Variants in TCF4 observed in about 807,000 individuals in gnomAD.
TCF4 encodes SL3-3 enhancer factor 2.
In TCF4, 3 loss-of-function variants were observed where a neutral mutation model predicts 82.1. The observed-to-expected ratio is 0.04, with a 90% CI of 0.02 to 0.09. The LOEUF is 0.09. TCF4 is among the 10% of genes least tolerant of loss of function. TCF4 has a pLI of 1.00. For synonymous variants in TCF4, 276 were observed against 309.6 expected (o/e 0.89, Z 1.14); for missense variants, 518 against 852.7 (o/e 0.61, Z 4.89).
chr18:55,588,029 G>C lies in TCF4; in HGVS notation c.-21+9C>G, dbSNP rs2097669520. The C allele has an allele frequency of 5.1e-6, 5 of 982,032 alleles. No homozygotes were observed. The highest frequency in any genetic ancestry group is 6.0e-6 in the Non-Finnish European group (5 of 828,572). 60.8% of individuals were successfully genotyped at this position (982,032 alleles called of 1,614,324 possible). On this transcript the variant is annotated intron_variant, in intron 1 of 19. Transcript: ENST00000354452. Reference sequence around the variant, plus strand: ...CGCCCCGCCGAGCCCCGCAGGCGCCGGTACCTACCGCCCGCGCGCGAGAAG... The same window carrying C: ...CGCCCCGCCGAGCCCCGCAGGCGCCCGTACCTACCGCCCGCGCGCGAGAAG...
At chr18:55,428,728 T>A (rs1178195665) in intron 5 of TCF4, among the ~76,000 whole-genome samples, 1 of 152,194 alleles carries the variant, frequency 6.6e-6, no homozygotes, top group Non-Finnish European at 1.5e-5. Context: ...CACCTCCATT[T>A]CATCACAGAG....
At chr18:55,362,500 G>A (rs1474534389) in intron 6 of TCF4, among the ~76,000 whole-genome samples, 1 of 151,374 alleles carries the variant, frequency 6.6e-6, no homozygotes, top group Non-Finnish European at 1.5e-5. Context: ...CTTCCACACT[G>A]AAACAGGGAC....
At chr18:55,501,180 CA>C (rs780382677) in intron 3 of TCF4, among the ~76,000 whole-genome samples, 1 of 151,866 alleles carries the variant, frequency 6.6e-6, no homozygotes, top group Non-Finnish European at 1.5e-5. Context: ...AACATCAGTG[CA>C]AAAAAGCCAT....
chr18:55,439,341 A>G (rs1393301063), intron 5 of TCF4, among the ~76,000 whole-genome samples: 1 of 152,212 alleles, frequency 6.6e-6, no homozygotes, highest in Non-Finnish European at 1.5e-5. Context: ...ACACTGAGCC[A>G]GCAACAAAGG....
intron 8 of TCF4, among the ~76,000 whole-genome samples, chr18:55,316,242 T>G (rs2147328168): frequency 6.6e-6 from 1 of 152,224 alleles, no homozygotes; most frequent in South Asian, 2.1e-4. Flanking sequence ...CTCCACTGTA[T>G]TTTCTTCTTA....
chr18:55,611,230 G>A (rs1447097790), intron 2 of TCF4, among the ~76,000 whole-genome samples: 1 of 152,192 alleles, frequency 6.6e-6, no homozygotes, highest in Non-Finnish European at 1.5e-5. Context: ...GCCACAAACA[G>A]CTGCAGGAGT....
intron 8 of TCF4, among the ~76,000 whole-genome samples, chr18:55,329,991 ATC>A (rs1371650513): frequency 6.6e-6 from 1 of 152,288 alleles, no homozygotes; most frequent in Non-Finnish European, 1.5e-5. Flanking sequence ...GTTCTCTAAC[ATC>A]TGTTCAAGAA....
At chr18:55,464,310 T>G (rs2095954547) in intron 3 of TCF4, among the ~76,000 whole-genome samples, 173 bp from the exon 4 acceptor site, 1 of 152,206 alleles carries the variant, frequency 6.6e-6, no homozygotes, top group Non-Finnish European at 1.5e-5. Context: ...TTAACTCATT[T>G]AAATTCACAG....
intron 8 of TCF4, among the ~76,000 whole-genome samples, chr18:55,298,867 G>GA (rs962060025): frequency 5.0e-4 from 76 of 150,548 alleles, no homozygotes; most frequent in Non-Finnish European, 3.6e-4. Flanking sequence ...TTGGAGCAAA[G>GA]AAAAAAAAAC....
At chr18:55,569,750 G>T (rs2097443932) in intron 3 of TCF4, among the ~76,000 whole-genome samples, 2 of 152,066 alleles carry the variant, frequency 1.3e-5, no homozygotes, top group South Asian at 4.2e-4. Context: ...ATAAAGAATT[G>T]TTTTGAGATA....
At chr18:55,446,604 GT>G (rs1191085823) in intron 5 of TCF4, among the ~76,000 whole-genome samples, 3 of 152,134 alleles carry the variant, frequency 2.0e-5, no homozygotes, top group Non-Finnish European at 4.4e-5. Flanking sequence ...TAATGACAAT[GT>G]CTAACAAAGA....
At chr18:55,350,268 G>T (rs761967636) in intron 8 of TCF4, 91 bp downstream of exon 8, 3 of 1,334,058 alleles carry the variant, frequency 2.2e-6, no homozygotes, top group South Asian at 2.4e-5. Context: ...TGCTCTGGGC[G>T]CATGGAAACT....
chr18:55,491,519 C>T (rs1345880796), intron 3 of TCF4, among the ~76,000 whole-genome samples: 1 of 152,216 alleles, frequency 6.6e-6, no homozygotes, highest in Non-Finnish European at 1.5e-5. Context: ...TGTTTCCTTA[C>T]CATCTTTCCT....
chr18:55,223,878 T>C lies in TCF4; in HGVS notation c.*4157A>G, dbSNP rs1390433173. On this transcript the variant is annotated 3_prime_UTR_variant, in exon 20 of 20. Coordinates refer to ENST00000354452, the MANE Select transcript of TCF4 (RefSeq NM_001083962.2). ...ACAGTTTCATCTTGGTAACACATGG[T>C]AAAATAACATCTTTTAAATAGTAAA... 6.6e-6 allele frequency: 1 copy of C among 152,348 alleles called. No homozygotes were observed. The highest frequency in any genetic ancestry group is 1.5e-5 in the Non-Finnish European group (1 of 67,996). 9.4% of individuals were successfully genotyped at this position (152,348 alleles called of 1,614,324 possible).
Position 55,586,144 on chromosome 18 carries a change from G to GC in TCF4, c.73-793_73-792insG. 2.3e-6 allele frequency: 3 copies of GC among 1,322,514 alleles called. 1 individual carries two copies. Among genetic ancestry groups the GC allele is most frequent in the Non-Finnish European group, 3.0e-6 (3 of 989,824 alleles). The allele number at this position is 1,322,514 out of a possible 1,614,324, so 81.9% of individuals were successfully genotyped here. On this transcript the variant is annotated intron_variant, in intron 2 of 19. Transcript: ENST00000354452. The stretch of plus-strand genomic sequence containing the variant: ...GGAGGAGGAGGAGGAGAAGGAGGAG[G>GC]AGGAGGAGGAGCAGCAGCAGCAGCA...
At chr18:55,464,551 T>TTTTTGTTCCATAGC (rs2095963971) in intron 3 of TCF4, among the ~76,000 whole-genome samples, 2 of 152,210 alleles carry the variant, frequency 1.3e-5, no homozygotes, top group South Asian at 4.1e-4. Context: ...GCCATAATGC[T>TTTTTGTTCCATAGC]CTTGGATCCT....
At chr18:55,258,499 G>C (rs2057370777) in intron 13 of TCF4, among the ~76,000 whole-genome samples, 2 of 152,074 alleles carry the variant, frequency 1.3e-5, no homozygotes, top group African/African-American at 4.8e-5. Flanking sequence ...TGGCAGAACT[G>C]TGAGCACCAG....
chr18:55,578,938 C>G (rs949159303), intron 3 of TCF4, among the ~76,000 whole-genome samples: 1 of 151,884 alleles, frequency 6.6e-6, no homozygotes, highest in Non-Finnish European at 1.5e-5. Context: ...TACTTTCTTA[C>G]AGCCCTGAAA....
At chr18:55,292,885 A>T (rs1376908037) in intron 8 of TCF4, among the ~76,000 whole-genome samples, 2 of 152,122 alleles carry the variant, frequency 1.3e-5, no homozygotes, top group African/African-American at 4.8e-5. Context: ...ATATATACAT[A>T]CATATGTGTG....
Sources: gnomAD v4.1 joint callset for allele counts (sites outside exome capture counted in the v4.1 genomes callset) on GRCh38, gnomAD v4.1.1 for gene constraint, MANE v1.5 for transcripts, NCBI Gene and HGNC (gene_info 2026-07-23, HGNC 2026-07-21) for gene names.